TMEM117: variants seen among roughly 807,000 people sequenced by gnomAD.
TMEM117 encodes the protein transmembrane protein 117.
A neutral mutation model predicts 52.4 loss-of-function variants in TMEM117; 27 were observed. That is an observed-to-expected ratio of 0.51 (90% CI 0.38 to 0.71). The LOEUF (loss-of-function observed/expected upper bound fraction) is 0.71. Among genes scored for constraint, TMEM117 ranks in the 30% least tolerant of loss-of-function variants. TMEM117 has a pLI of 0.00. For missense variants in TMEM117, 556 were observed against 630.5 expected, an observed-to-expected ratio of 0.88 and a Z score of 1.26; for synonymous variants, 215 against 206.3, an observed-to-expected ratio of 1.04 and a Z score of -0.36.
chr12:44,184,240 G>A (rs1425106013), intron 4 of TMEM117, among the ~76,000 whole-genome samples: 1 of 152,110 alleles, frequency 6.6e-6, no homozygotes, highest in African/African-American at 2.4e-5. Flanking sequence ...CAGCTACTTG[G>A]GAAGCTGAGG....
At chr12:43,974,424 A>G (rs1945639621) in intron 3 of TMEM117, among the ~76,000 whole-genome samples, 1 of 152,142 alleles carries the variant, frequency 6.6e-6, no homozygotes, top group Non-Finnish European at 1.5e-5. Context: ...ATGAAGGGAT[A>G]TATAGCTGGG....
At chr12:44,358,126 A>G (rs1329348713) in intron 6 of TMEM117, among the ~76,000 whole-genome samples, 1 of 152,080 alleles carries the variant, frequency 6.6e-6, no homozygotes, top group Non-Finnish European at 1.5e-5. Flanking sequence ...ACAGTGGATA[A>G]ACAGGGACAT....
chr12:43,912,507 T>A (rs867295598), intron 2 of TMEM117, among the ~76,000 whole-genome samples: 10 of 131,970 alleles, frequency 7.6e-5, no homozygotes, highest in African/African-American at 2.4e-4. Flanking sequence ...TAATAATAAT[T>A]TATATATATA....
At chr12:43,909,490 C>G (rs1456767830) in intron 2 of TMEM117, among the ~76,000 whole-genome samples, 1 of 136,838 alleles carries the variant, frequency 7.3e-6, no homozygotes, top group African/African-American at 2.6e-5. Context: ...CAAGAAATAG[C>G]TAAAATCAGA....
chr12:43,821,573 G>A, the TMEM117 span, among the ~76,000 whole-genome samples: 2 of 152,144 alleles, frequency 1.3e-5, no homozygotes, highest in East Asian at 3.8e-4. Flanking sequence ...GAGCCACTGT[G>A]CCCAGCCAAG....
At chr12:43,819,690 C>T in the TMEM117 span, among the ~76,000 whole-genome samples, 1 of 151,974 alleles carries the variant, frequency 6.6e-6, no homozygotes, top group Non-Finnish European at 1.5e-5. Context: ...GCAGGAGAAT[C>T]GCATGAACCC....
chr12:44,282,236 G>A (rs1950586660), intron 5 of TMEM117, among the ~76,000 whole-genome samples: 1 of 152,142 alleles, frequency 6.6e-6, no homozygotes, highest in Non-Finnish European at 1.5e-5. Context: ...GTATGTCAGT[G>A]TCAGACTAAT....
intron 2 of TMEM117, among the ~76,000 whole-genome samples, chr12:43,849,864 G>T (rs1179500537): frequency 1.3e-5 from 2 of 152,018 alleles, no homozygotes; most frequent in East Asian, 3.9e-4. Context: ...CTTTGAACTT[G>T]TCTTCTTCTT....
At chr12:44,008,874 C>G in intron 3 of TMEM117, 1 of 418,200 alleles carries the variant, frequency 2.4e-6, no homozygotes, top group Non-Finnish European at 4.7e-6. Context: ...AAGCATTTCC[C>G]GCACCATGAG....
chr12:44,362,256 A>G (rs1376529464), intron 6 of TMEM117, among the ~76,000 whole-genome samples: 2 of 152,106 alleles, frequency 1.3e-5, no homozygotes, highest in African/African-American at 4.8e-5. Context: ...GGTTGCAACC[A>G]TAGCTCATAT....
intron 3 of TMEM117, among the ~76,000 whole-genome samples, chr12:44,093,332 T>G (rs1399971881): frequency 6.6e-6 from 1 of 152,206 alleles, no homozygotes; most frequent in Admixed American, 6.5e-5. Context: ...GATACTGTTT[T>G]CATCAATCCC....
intron 7 of TMEM117, 91 bp downstream of exon 7, chr12:44,376,815 G>A: frequency 7.4e-7 from 1 of 1,352,308 alleles, no homozygotes; most frequent in Non-Finnish European, 1.0e-6. Context: ...TAATATTTGA[G>A]AGGCATAAAT....
At chr12:44,285,105 G>A (rs1950622561) in intron 5 of TMEM117, among the ~76,000 whole-genome samples, 1 of 152,136 alleles carries the variant, frequency 6.6e-6, no homozygotes, top group Admixed American at 6.5e-5. Flanking sequence ...TAGGATGCTG[G>A]CACACTGTTC....
intron 5 of TMEM117, among the ~76,000 whole-genome samples, chr12:44,236,078 A>G (rs1382612843): frequency 1.3e-5 from 2 of 151,692 alleles, no homozygotes; most frequent in African/African-American, 2.4e-5. Context: ...GAATTTTCTG[A>G]AAATTTTATT....
intron 3 of TMEM117, among the ~76,000 whole-genome samples, chr12:44,041,631 A>G (rs1184373965): frequency 6.6e-6 from 1 of 152,148 alleles, no homozygotes; most frequent in Middle Eastern, 3.2e-3. Context: ...CTGTGCCAGC[A>G]TCATTCTGAT....
chr12:44,090,026 G>A (rs1228976671), intron 3 of TMEM117, among the ~76,000 whole-genome samples: 1 of 152,056 alleles, frequency 6.6e-6, no homozygotes, highest in Non-Finnish European at 1.5e-5. Flanking sequence ...ATTGTCTTAT[G>A]TGTTTATCCC....
In TMEM117 at chr12:44,159,398, C is replaced by CT. The variant is rs538773964; in HGVS notation, c.510+15784dup. On this transcript the variant is annotated intron_variant, in intron 4 of 7. Transcript: ENST00000266534. ...AACAGCATTATTTACTCTTTAAAGA[C>CT]TTTTTTTTTTAACCAAAAACTGCAG... Among the ~76,000 whole-genome samples the CT allele has an allele frequency of 5.1e-3, 764 of 148,834 alleles. 5 individuals carry two copies. Among genetic ancestry groups the CT allele is most frequent in the African/African-American group, 0.016 (665 of 40,596 alleles).
chr12:43,850,961 T>C (rs1943297935), intron 2 of TMEM117, among the ~76,000 whole-genome samples: 1 of 152,312 alleles, frequency 6.6e-6, no homozygotes, highest in African/African-American at 2.4e-5. Flanking sequence ...TACAGAAATA[T>C]TGGAATGCCT....
intron 3 of TMEM117, among the ~76,000 whole-genome samples, chr12:44,045,328 C>T (rs1428797770): frequency 2.6e-5 from 4 of 152,210 alleles, no homozygotes; most frequent in Non-Finnish European, 4.4e-5. Context: ...TCGGGGTGAT[C>T]AGCCAGCTAG....
Sources: gnomAD v4.1 joint callset for allele counts (sites outside exome capture counted in the v4.1 genomes callset) on GRCh38, gnomAD v4.1.1 for gene constraint, MANE v1.5 for transcripts, NCBI Gene and HGNC (gene_info 2026-07-23, HGNC 2026-07-21) for gene names.